The following RBFOX1 variants were observed in gnomAD, a reference collection of about 807,000 sequenced individuals.
RBFOX1 encodes the protein RNA binding protein fox-1 homolog 1.
A neutral mutation model predicts 57.7 loss-of-function variants in RBFOX1; 8 were observed. That is an observed-to-expected ratio of 0.14 (90% CI 0.08 to 0.25). The LOEUF (loss-of-function observed/expected upper bound fraction) is 0.25, where lower values mean the gene tolerates loss of function less well. Ranked by LOEUF, RBFOX1 falls within the 10% of genes least tolerant of loss-of-function variation. RBFOX1 has a pLI of 1.00. For synonymous variants in RBFOX1, 326 were observed against 222.4 expected (o/e 1.47, Z -4.15); for missense variants, 611 against 548.5 (o/e 1.11, Z -1.14).
At chr16:5,358,298 T>C (rs2065449664) in intron 1 of RBFOX1, among the ~76,000 whole-genome samples, 1 of 142,976 alleles carries the variant, frequency 7.0e-6, no homozygotes, top group Non-Finnish European at 1.5e-5. Flanking sequence ...GGGCCCATTC[T>C]GTTCCAGTAT....
At chr16:5,890,916 T>C (rs1465902226) in intron 4 of RBFOX1, among the ~76,000 whole-genome samples, 2 of 152,254 alleles carry the variant, frequency 1.3e-5, no homozygotes, top group East Asian at 1.9e-4. Context: ...TTTTCTCTCA[T>C]TGGATACATG....
intron 1 of RBFOX1, among the ~76,000 whole-genome samples, chr16:5,394,094 G>A (rs1465546744): frequency 1.3e-5 from 2 of 151,948 alleles, no homozygotes; most frequent in East Asian, 3.9e-4. Flanking sequence ...TGTGATCTCA[G>A]CTCACTGCAG....
rs1469340667 is a variant in RBFOX1 at position 5,402,152 on chromosome 16, G to GGGAAGA, written c.220-65060_220-65055dup. Among the ~76,000 whole-genome samples, 7 of 152,236 alleles carry GGGAAGA rather than the reference G, an allele frequency of 4.6e-5. No homozygotes were observed. The South Asian group carries it at 1.5e-3, about 32-fold the overall frequency. ...AGAGGAAGGGGCAGAGACCAGGAGC[G>GGGAAGA]GGAAGAGGAGGGTCATGTGGAGAGG... On this transcript the variant is annotated intron_variant, in intron 1 of 2. Transcript: ENST00000585867.
intron 4 of RBFOX1, among the ~76,000 whole-genome samples, chr16:5,885,721 C>A (rs181036760): frequency 6.6e-6 from 1 of 152,128 alleles, no homozygotes; most frequent in Non-Finnish European, 1.5e-5. Flanking sequence ...GCTTTCTCAT[C>A]GAGTTTAGAG....
intron 2 of RBFOX1, among the ~76,000 whole-genome samples, chr16:6,522,631 T>G (rs2096524044): frequency 6.6e-6 from 1 of 152,144 alleles, no homozygotes; most frequent in Non-Finnish European, 1.5e-5. Flanking sequence ...ATAACTTGGG[T>G]TGGCATTCAG....
At chr16:7,146,193 C>T (rs2074941121) in intron 4 of RBFOX1, among the ~76,000 whole-genome samples, 1 of 146,546 alleles carries the variant, frequency 6.8e-6, no homozygotes. Flanking sequence ...CTGGTTCAAG[C>T]CCCTTCCCCA....
chr16:5,414,139 G>C (rs540225329), intron 1 of RBFOX1, among the ~76,000 whole-genome samples: 1 of 152,148 alleles, frequency 6.6e-6, no homozygotes, highest in African/African-American at 2.4e-5. Flanking sequence ...TGAACACACC[G>C]TGGTTCTAAC....
exon 1 of RBFOX1, chr16:5,240,033 C>T (rs771427593): frequency 6.5e-7 from 1 of 1,530,610 alleles, no homozygotes; most frequent in South Asian, 1.2e-5. Context: ...CCGAGGACTG[C>T]GAGGACGGGA....
rs34759475 is a variant in RBFOX1, at chr16:6,911,583, T to G, written c.-15-140474T>G. On this transcript the variant is annotated intron_variant, in intron 3 of 15. Transcript: ENST00000550418. Reference sequence around the variant, plus strand: ...AACTATGACCCATAATGACTTAATTTTGTTACCTCTGTAAAGACCCTGCTT... The same window carrying G: ...AACTATGACCCATAATGACTTAATTGTGTTACCTCTGTAAAGACCCTGCTT... 9.2e-3 allele frequency among the ~76,000 whole-genome samples: 1,398 copies of G among 152,300 alleles called. 10 individuals carry two copies. The highest frequency in any genetic ancestry group is 0.015 in the Non-Finnish European group (987 of 68,032).
chr16:7,192,761 C>T (rs541825616), intron 4 of RBFOX1, among the ~76,000 whole-genome samples: 3 of 152,106 alleles, frequency 2.0e-5, no homozygotes, highest in Admixed American at 6.6e-5. Context: ...ATTATTTTTG[C>T]AATCTTTCTG....
chr16:5,548,509 T>C (rs77037973), intron 2 of RBFOX1, among the ~76,000 whole-genome samples: 3,610 of 152,082 alleles, frequency 0.024, 144 homozygotes, highest in African/African-American at 0.082. Context: ...AAAAGTGTAA[T>C]TGGATGGTTT....
At chr16:6,243,620 A>G (rs2097551837) in intron 1 of RBFOX1, among the ~76,000 whole-genome samples, 1 of 152,192 alleles carries the variant, frequency 6.6e-6, no homozygotes, top group Non-Finnish European at 1.5e-5. Flanking sequence ...GACCCACCTC[A>G]GATTCCCCTG....
At chr16:5,676,383 G>A (rs966668499) in intron 3 of RBFOX1, among the ~76,000 whole-genome samples, 3 of 152,198 alleles carry the variant, frequency 2.0e-5, no homozygotes, top group East Asian at 3.9e-4. Context: ...GCCCATATAT[G>A]TGTGTGTGTG....
intron 4 of RBFOX1, among the ~76,000 whole-genome samples, chr16:7,414,153 C>T (rs1402997720): frequency 2.0e-5 from 3 of 152,226 alleles, no homozygotes; most frequent in East Asian, 1.9e-4. Flanking sequence ...ATTCGTTCTT[C>T]ACTTAGTTAT....
In RBFOX1 at chr16:5,755,543, G is replaced by A. The variant is rs79790982; in HGVS notation, c.319-111760G>A. 7.1e-3 allele frequency among the ~76,000 whole-genome samples: 1,086 copies of A among 152,260 alleles called. 19 individuals are homozygous for A. Among genetic ancestry groups the A allele is most frequent in the African/African-American group, 0.025 (1,043 of 41,550 alleles). On this transcript the variant is annotated intron_variant, in intron 3 of 19. Coordinates refer to the RBFOX1 transcript ENST00000641259. The stretch of plus-strand genomic sequence containing the variant: ...AGGGCCTTGGTTGGTCACAAAAGAC[G>A]ACCACTTCCCCATGGGCATCTATTT...
intron 14 of RBFOX1, among the ~76,000 whole-genome samples, chr16:7,689,347 G>A (rs988273688): frequency 3.9e-5 from 6 of 152,130 alleles, no homozygotes; most frequent in African/African-American, 1.2e-4. Flanking sequence ...GAGCTTTGAA[G>A]TGAAAATGGG....
chr16:7,546,003 C>T (rs888546957), intron 5 of RBFOX1, among the ~76,000 whole-genome samples: 3 of 131,504 alleles, frequency 2.3e-5, no homozygotes, highest in African/African-American at 8.5e-5. Context: ...TATTCTGTGA[C>T]TCTGAGCTTA....
chr16:5,445,280 G>T (rs1459593066), intron 1 of RBFOX1, among the ~76,000 whole-genome samples: 1 of 152,132 alleles, frequency 6.6e-6, no homozygotes, highest in Non-Finnish European at 1.5e-5. Flanking sequence ...TTTGATGAAG[G>T]TGACTTATCT....
At chr16:6,580,402 T>G (rs2097520488) in intron 2 of RBFOX1, among the ~76,000 whole-genome samples, 2 of 152,224 alleles carry the variant, frequency 1.3e-5, no homozygotes, top group Admixed American at 1.3e-4. Context: ...CACTACTTCC[T>G]AATTATGTGG....
Sources: gnomAD v4.1 joint callset for allele counts (sites outside exome capture counted in the v4.1 genomes callset) on GRCh38, gnomAD v4.1.1 for gene constraint, MANE v1.5 for transcripts, NCBI Gene and HGNC (gene_info 2026-07-23, HGNC 2026-07-21) for gene names.